NRG1: variants seen among roughly 807,000 people sequenced by gnomAD.
The protein encoded by NRG1 is pro-neuregulin-1, membrane-bound isoform.
In NRG1, 18 loss-of-function variants were observed where a neutral mutation model predicts 63.8. That is an observed-to-expected ratio of 0.28 (90% CI 0.19 to 0.42). The LOEUF (loss-of-function observed/expected upper bound fraction) is 0.42, where lower values mean the gene tolerates loss of function less well. NRG1 is among the 10% of genes least tolerant of loss of function. The pLI is 1.00. For missense variants in NRG1, 762 were observed against 814.7 expected, an observed-to-expected ratio of 0.94 and a Z score of 0.79; for synonymous variants, 302 against 301.3, an observed-to-expected ratio of 1.00 and a Z score of -0.02.
chr8:32,591,698 T>A (rs528135980), intron 1 of NRG1, among the ~76,000 whole-genome samples: 1 of 152,304 alleles, frequency 6.6e-6, no homozygotes, highest in South Asian at 2.1e-4. Flanking sequence ...AATTATTAAC[T>A]CAAATATTTA....
intron 1 of NRG1, among the ~76,000 whole-genome samples, chr8:31,751,633 T>C (rs1488908850): frequency 6.6e-6 from 1 of 152,024 alleles, no homozygotes; most frequent in Non-Finnish European, 1.5e-5. Flanking sequence ...ATTATAGTTG[T>C]GGTGTGGAGA....
chr8:31,643,784 G>A (rs1297150131), intron 1 of NRG1, among the ~76,000 whole-genome samples: 4 of 152,206 alleles, frequency 2.6e-5, no homozygotes, highest in Admixed American at 6.5e-5. Context: ...ATTGTTTGAT[G>A]TGCTACACTT....
chr8:32,482,942 C>T (rs1825487533), intron 1 of NRG1, among the ~76,000 whole-genome samples: 2 of 152,218 alleles, frequency 1.3e-5, no homozygotes, highest in African/African-American at 4.8e-5. Flanking sequence ...TACCAAAGTG[C>T]CAAATGACTC....
intron 1 of NRG1, among the ~76,000 whole-genome samples, chr8:31,715,961 T>C (rs2131281179): frequency 6.6e-6 from 1 of 152,326 alleles, no homozygotes; most frequent in Non-Finnish European, 1.5e-5. Flanking sequence ...AGACAGTGCT[T>C]TTAATTTTTT....
chr8:32,133,077 G>A (rs549247833), intron 1 of NRG1, among the ~76,000 whole-genome samples: 1 of 151,862 alleles, frequency 6.6e-6, no homozygotes, highest in South Asian at 2.1e-4. Context: ...CATTGATGGT[G>A]TGTGATTTCA....
intron 9 of NRG1, among the ~76,000 whole-genome samples, chr8:32,758,309 G>A (rs1235654204): frequency 2.0e-5 from 3 of 152,114 alleles, no homozygotes; most frequent in African/African-American, 7.2e-5. Flanking sequence ...AGGCATGGTG[G>A]CTCACACCTG....
chr8:31,977,743 T>A (rs1808423834), intron 1 of NRG1, among the ~76,000 whole-genome samples: 1 of 152,106 alleles, frequency 6.6e-6, no homozygotes, highest in Admixed American at 6.5e-5. Flanking sequence ...AGGAAGAATG[T>A]TTTCAAAGTC....
intron 1 of NRG1, among the ~76,000 whole-genome samples, chr8:32,480,944 T>C (rs899809104): frequency 1.6e-4 from 25 of 152,310 alleles, no homozygotes; most frequent in African/African-American, 6.0e-4. Flanking sequence ...CATTTCAACA[T>C]GAGATTTAAA....
chr8:31,769,111 A>G (rs1818364936), intron 1 of NRG1, among the ~76,000 whole-genome samples: 1 of 152,230 alleles, frequency 6.6e-6, no homozygotes, highest in African/African-American at 2.4e-5. Context: ...ATTTTGTGTC[A>G]TCTATTCCCC....
intron 1 of NRG1, among the ~76,000 whole-genome samples, chr8:32,146,593 A>T (rs1836891221): frequency 6.6e-6 from 1 of 152,164 alleles, no homozygotes; most frequent in Non-Finnish European, 1.5e-5. Flanking sequence ...CTTGAAGGGA[A>T]TTGGCACAAA....
At chr8:32,628,634 T>A (rs955511639) in intron 5 of NRG1, among the ~76,000 whole-genome samples, 5 of 152,068 alleles carry the variant, frequency 3.3e-5, no homozygotes, top group Admixed American at 2.6e-4. Flanking sequence ...AGGACTGATA[T>A]TTAAACTCAT....
At chr8:32,494,917 A>G (rs546545063) in intron 1 of NRG1, among the ~76,000 whole-genome samples, 1 of 152,322 alleles carries the variant, frequency 6.6e-6, no homozygotes, top group East Asian at 1.9e-4. Flanking sequence ...GGTCCTGTAT[A>G]CAAATTCTAG....
chr8:32,614,616 T>G lies in NRG1; in HGVS notation c.451+52T>G, dbSNP rs533688362. ...TACTAACCAGAATGACAACCATAACTGCTGGCTGCTCCTTCTACTAATCAG... is the reference window on the plus strand; with the variant it reads ...TACTAACCAGAATGACAACCATAACGGCTGGCTGCTCCTTCTACTAATCAG... On this transcript the variant is annotated intron_variant, in intron 4 of 11. Transcript: ENST00000356819. The G allele has an allele frequency of 1.0e-5, 16 of 1,553,804 alleles. 1 individual carries two copies. The Admixed American group carries it at 2.0e-4, about 20-fold the overall frequency.
chr8:32,371,068 C>T (rs1212779755), intron 1 of NRG1, among the ~76,000 whole-genome samples: 1 of 151,662 alleles, frequency 6.6e-6, no homozygotes, highest in Non-Finnish European at 1.5e-5. Context: ...AAAATTTAGC[C>T]GGGTGTGCTG....
exon 10 of NRG1, chr8:32,759,330 T>G: frequency 1.2e-6 from 2 of 1,613,780 alleles, no homozygotes; most frequent in Non-Finnish European, 8.5e-7. Flanking sequence ...AAACGTCATC[T>G]CCAGTGAGCA....
At chr8:31,974,971 T>C (rs1468423813) in intron 1 of NRG1, among the ~76,000 whole-genome samples, 1 of 152,194 alleles carries the variant, frequency 6.6e-6, no homozygotes, top group Admixed American at 6.5e-5. Context: ...GACAGTTGGA[T>C]GAAAAATTGC....
chr8:32,092,670 A>G (rs922648687), intron 1 of NRG1, among the ~76,000 whole-genome samples: 1 of 152,036 alleles, frequency 6.6e-6, no homozygotes, highest in Non-Finnish European at 1.5e-5. Context: ...GTTCAGCACC[A>G]GATGTTTTGA....
intron 1 of NRG1, among the ~76,000 whole-genome samples, chr8:31,978,311 T>A (rs1563641472): frequency 6.6e-6 from 1 of 152,094 alleles, no homozygotes; most frequent in Non-Finnish European, 1.5e-5. Flanking sequence ...GATATGTTGT[T>A]CATGAAGTCA....
intron 1 of NRG1, among the ~76,000 whole-genome samples, chr8:31,823,737 G>T (rs140604447): frequency 3.9e-5 from 6 of 152,244 alleles, no homozygotes; most frequent in African/African-American, 1.4e-4. Flanking sequence ...TCTACTGATG[G>T]AAAGAAAAGT....
Sources: gnomAD v4.1 joint callset for allele counts (sites outside exome capture counted in the v4.1 genomes callset) on GRCh38, gnomAD v4.1.1 for gene constraint, MANE v1.5 for transcripts, NCBI Gene and HGNC (gene_info 2026-07-23, HGNC 2026-07-21) for gene names.